Variants in ZEB2 observed in about 807,000 individuals in gnomAD.
The protein encoded by ZEB2 is zinc finger E-box binding homeobox 2.
Under a neutral mutation model 99.9 loss-of-function variants are expected in ZEB2, and 6 were observed. The observed-to-expected ratio is 0.06, with a 90% CI of 0.03 to 0.12. The LOEUF is 0.12. ZEB2 is among the 10% of genes least tolerant of loss of function. The pLI is 1.00. For missense variants in ZEB2, 969 were observed against 1,502.8 expected, an observed-to-expected ratio of 0.64 and a Z score of 5.87; for synonymous variants, 517 against 542.5, an observed-to-expected ratio of 0.95 and a Z score of 0.65.
chr2:144,479,239 G>A (rs953911238), intron 2 of ZEB2, among the ~76,000 whole-genome samples: 3 of 152,168 alleles, frequency 2.0e-5, no homozygotes, highest in African/African-American at 7.2e-5. Context: ...TTGAACTTGT[G>A]AGTATTTGAG....
intron 2 of ZEB2, among the ~76,000 whole-genome samples, chr2:144,499,885 T>G (rs1449137205): frequency 1.3e-5 from 2 of 152,218 alleles, no homozygotes; most frequent in Admixed American, 1.3e-4. Flanking sequence ...GTCTAAAATA[T>G]GTGCAGCATT....
intron 8 of ZEB2, among the ~76,000 whole-genome samples, chr2:144,397,012 G>C (rs891534010): frequency 6.6e-6 from 1 of 152,014 alleles, no homozygotes; most frequent in Non-Finnish European, 1.5e-5. Context: ...TTTATATTTA[G>C]GTACAAAATG....
rs1057316110 is a variant in ZEB2, at chr2:144,512,172, T to C, written c.73+5106A>G. 7 of 1,287,076 alleles carry C rather than the reference T, an allele frequency of 5.4e-6. No homozygotes were observed. The African/African-American group carries it at 9.1e-5, about 17-fold the overall frequency. 79.7% of individuals were successfully genotyped at this position (1,287,076 alleles called of 1,614,324 possible). A position where few individuals can be genotyped will look rare whatever the true frequency, so the allele number is the denominator to read the frequency against. The stretch of plus-strand genomic sequence containing the variant: ...GCAGACAATCAATTGTCTGTGAGCA[T>C]TGCAAACCTGCACTCCCTCTCTCTG... On this transcript the variant is annotated intron_variant, in intron 2 of 9. Transcript: ENST00000627532.
intron 2 of ZEB2, chr2:144,512,695 C>A: frequency 7.0e-6 from 9 of 1,287,236 alleles, no homozygotes; most frequent in Non-Finnish European, 9.1e-6. Flanking sequence ...AGCCTACTGG[C>A]TCTGCTACGA....
chr2:144,431,565 T>C (rs895462192), intron 2 of ZEB2, among the ~76,000 whole-genome samples: 1 of 151,956 alleles, frequency 6.6e-6, no homozygotes, highest in Non-Finnish European at 1.5e-5. Context: ...CAGAATCTGC[T>C]GACCTGGTTT....
At chr2:144,453,374 C>G (rs1704080179) in intron 2 of ZEB2, among the ~76,000 whole-genome samples, 1 of 152,222 alleles carries the variant, frequency 6.6e-6, no homozygotes, top group South Asian at 2.1e-4. Flanking sequence ...CAGGGCAGGT[C>G]TCTGATGATC....
chr2:144,514,097 C>A (rs541355104), intron 2 of ZEB2: 7 of 372,570 alleles, frequency 1.9e-5, no homozygotes, highest in African/African-American at 1.4e-4. Context: ...GGCCCTGGCA[C>A]TGCCTCTGCC....
At chr2:144,468,923 T>C (rs10187477) in intron 2 of ZEB2, among the ~76,000 whole-genome samples, 124,459 of 151,998 alleles carry the variant, frequency 0.82, 51,131 homozygotes, top group Admixed American at 0.83. Context: ...TGTACATATA[T>C]CAAATCGAGG....
intron 4 of ZEB2, among the ~76,000 whole-genome samples, chr2:144,414,718 A>G (rs1703514371): frequency 6.6e-6 from 1 of 152,172 alleles, no homozygotes; most frequent in African/African-American, 2.4e-5. Flanking sequence ...CTGACTCTTC[A>G]CCCACTGCTC....
chr2:144,389,513 C>G lies in ZEB2; in HGVS notation c.3583G>C (p.Glu1195Gln). Residue 1195 changes from glutamate (E) to glutamine (Q), a missense_variant, in exon 10 of 10, where the codon GAG becomes CAG. Physicochemically the swap from Glu to Gln is conservative, Grantham distance 29 (BLOSUM62 2). Transcript: ENST00000627532. The surrounding 1 kb of genome is among the most constrained non-coding windows in gnomAD (Gnocchi z 6.8). The stretch of plus-strand genomic sequence containing the variant: ...GATTTGGTTTCCATTTTCCCATCCT[C>G]CGAACTATCGTCCATGGAGTGATCT... ...TGDHSMDDSS[E>Q]DGKMETKSDH... 6.2e-7 allele frequency: 1 copy of G among 1,614,150 alleles called. No individual in the cohort carries two copies.
rs556944283 is a variant in ZEB2, at chr2:144,473,949, T to C, written c.73+43329A>G. Among the ~76,000 whole-genome samples the C allele has an allele frequency of 2.6e-5, 4 of 152,322 alleles. No individual in the cohort carries two copies. In the East Asian group the frequency reaches 5.8e-4, roughly 22 times the overall value. ...CTGGGGTCAATTATTTGTCTAATGA[T>C]TCATCCGGTTTTCTCAAGTACTGTT... On this transcript the variant is annotated intron_variant, in intron 2 of 9. Coordinates refer to ENST00000627532, the MANE Select transcript of ZEB2 (RefSeq NM_014795.4).
At chr2:144,499,418 C>T (rs867438425) in intron 2 of ZEB2, among the ~76,000 whole-genome samples, 9 of 152,146 alleles carry the variant, frequency 5.9e-5, no homozygotes, top group Admixed American at 1.3e-4. Flanking sequence ...ATAGAATCCA[C>T]TCATTTGCCA....
At chr2:144,449,064 T>A (rs1274723789) in intron 2 of ZEB2, among the ~76,000 whole-genome samples, 2 of 152,186 alleles carry the variant, frequency 1.3e-5, no homozygotes, top group Non-Finnish European at 2.9e-5. Context: ...TGAAGCAGCC[T>A]CAGAAAGAGA....
chr2:144,468,028 T>C lies in ZEB2; in HGVS notation c.74-38002A>G, dbSNP rs140685233. ...GGGGATGGAAGGGAAACAAAAGTGA[T>C]TGTATCGGTAATAGAGACTTCAAAG... On this transcript the variant is annotated intron_variant, in intron 2 of 9. Transcript: ENST00000627532. Among the ~76,000 whole-genome samples, 491 of 152,096 alleles carry C rather than the reference T, an allele frequency of 3.2e-3. 6 individuals are homozygous for C. The highest frequency in any genetic ancestry group is 0.011 in the African/African-American group (465 of 41,468).
intron 2 of ZEB2, chr2:144,513,956 G>GCAACTC (rs1705089096): frequency 7.1e-7 from 1 of 1,410,066 alleles, no homozygotes; most frequent in Admixed American, 2.5e-5. Flanking sequence ...TTGTCTGCGG[G>GCAACTC]CAACTCGCTT....
At chr2:144,461,396 C>G (rs1206747596) in intron 2 of ZEB2, 1 of 152,302 alleles carries the variant, frequency 6.6e-6, no homozygotes, top group Non-Finnish European at 1.5e-5. Flanking sequence ...CTAGCTATTA[C>G]AGGGCCTACC....
chr2:144,463,420 T>C (rs1704223432), intron 2 of ZEB2: 1 of 152,194 alleles, frequency 6.6e-6, no homozygotes. Flanking sequence ...TCCGTCACAT[T>C]GGCTATTTAA....
At chr2:144,474,078 G>C (rs991241045) in intron 2 of ZEB2, among the ~76,000 whole-genome samples, 1 of 152,068 alleles carries the variant, frequency 6.6e-6, no homozygotes, top group Admixed American at 6.6e-5. Context: ...GGCCTTGTCC[G>C]GGCAGTCCTG....
At chr2:144,463,031 C>A (rs1010730957) in intron 2 of ZEB2, 1 of 152,158 alleles carries the variant, frequency 6.6e-6, no homozygotes, top group African/African-American at 2.4e-5. Context: ...GACACCATTG[C>A]TCTCTGCTTA....
Sources: gnomAD v4.1 joint callset for allele counts (sites outside exome capture counted in the v4.1 genomes callset) on GRCh38, gnomAD v4.1.1 for gene constraint, Gnocchi (gnomAD v3.1) non-coding constraint, MANE v1.5 for transcripts, NCBI Gene and HGNC (gene_info 2026-07-23, HGNC 2026-07-21) for gene names.